NLGN1: variants seen among roughly 807,000 people sequenced by gnomAD.
NLGN1 encodes the protein neuroligin-1.
In NLGN1, 12 loss-of-function variants were observed where a neutral mutation model predicts 65.5. The observed-to-expected ratio is 0.18, with a 90% CI of 0.12 to 0.30. The LOEUF (loss-of-function observed/expected upper bound fraction) is 0.30, where lower values mean the gene tolerates loss of function less well. Ranked by LOEUF, NLGN1 falls within the 10% of genes least tolerant of loss-of-function variation. The probability of loss-of-function intolerance (pLI) is 1.00; values close to 1 mark genes in which losing one functional copy is unlikely to be tolerated. For synonymous variants in NLGN1, 350 were observed against 359.5 expected, an observed-to-expected ratio of 0.97 and a Z score of 0.30; for missense variants, 750 against 1,007.1, an observed-to-expected ratio of 0.74 and a Z score of 3.46.
At chr3:173,445,579 A>G (rs1043233951) in intron 2 of NLGN1, among the ~76,000 whole-genome samples, 17 of 152,176 alleles carry the variant, frequency 1.1e-4, no homozygotes, top group African/African-American at 4.1e-4. Context: ...AGTGAGCTCA[A>G]TTGGTACCGT....
intron 4 of NLGN1, among the ~76,000 whole-genome samples, chr3:173,839,943 T>C (rs1724466267): frequency 6.6e-6 from 1 of 152,202 alleles, no homozygotes; most frequent in African/African-American, 2.4e-5. Flanking sequence ...AATATGTAAG[T>C]AACTTGAAAT....
chr3:173,887,652 C>G (rs1254818388), intron 4 of NLGN1, among the ~76,000 whole-genome samples: 1 of 151,842 alleles, frequency 6.6e-6, no homozygotes, highest in Non-Finnish European at 1.5e-5. Context: ...TATTATGTTG[C>G]TATGTAGGAT....
At chr3:173,721,794 A>G (rs770689999) in intron 3 of NLGN1, among the ~76,000 whole-genome samples, 1 of 152,204 alleles carries the variant, frequency 6.6e-6, no homozygotes, top group Non-Finnish European at 1.5e-5. Flanking sequence ...CCACTAGCAC[A>G]TGACTTATTC....
At chr3:173,889,829 TACTTTAAGAAACACC>T (rs752535946) in intron 4 of NLGN1, among the ~76,000 whole-genome samples, 6 of 152,150 alleles carry the variant, frequency 3.9e-5, no homozygotes, top group South Asian at 2.1e-4. Context: ...CATACATTTA[TACTTTAAGAAACACC>T]ACTGTGAACT....
intron 4 of NLGN1, among the ~76,000 whole-genome samples, chr3:173,964,834 G>A (rs761283296): frequency 7.2e-5 from 11 of 152,012 alleles, no homozygotes; most frequent in Admixed American, 4.6e-4. Context: ...AAACAAGCAC[G>A]GAAAATAAAC....
At chr3:174,031,624 T>G (rs1730044672) in intron 4 of NLGN1, among the ~76,000 whole-genome samples, 2 of 152,150 alleles carry the variant, frequency 1.3e-5, no homozygotes, top group East Asian at 3.9e-4. Context: ...TTAAGACCTC[T>G]TAAAAATTTT....
chr3:173,726,941 A>G, intron 3 of NLGN1, among the ~76,000 whole-genome samples: 1 of 8,356 alleles, frequency 1.2e-4, no homozygotes, highest in Admixed American at 2.4e-3. Context: ...TTTCCTTACC[A>G]AAAAAAAAAA....
At chr3:173,490,422 C>G (rs575178054) in intron 2 of NLGN1, among the ~76,000 whole-genome samples, 1 of 152,218 alleles carries the variant, frequency 6.6e-6, no homozygotes, top group East Asian at 1.9e-4. Context: ...GGTATTATTT[C>G]TGAGAGCTCT....
chr3:174,155,682 A>G (rs1412974647), intron 4 of NLGN1, among the ~76,000 whole-genome samples: 1 of 151,920 alleles, frequency 6.6e-6, no homozygotes, highest in African/African-American at 2.4e-5. Flanking sequence ...CAGAAGTAGC[A>G]TATAGCATAA....
chr3:174,181,444 A>T (rs1435058846), intron 4 of NLGN1, among the ~76,000 whole-genome samples: 1 of 152,090 alleles, frequency 6.6e-6, no homozygotes, highest in East Asian at 1.9e-4. Flanking sequence ...CATCGCTGTT[A>T]CCTCTATCAC....
At chr3:173,838,970 A>C (rs908698068) in intron 4 of NLGN1, among the ~76,000 whole-genome samples, 1 of 152,156 alleles carries the variant, frequency 6.6e-6, no homozygotes, top group South Asian at 2.1e-4. Flanking sequence ...GGAATGTATA[A>C]ATTATTTTTT....
In NLGN1 at chr3:174,238,379, T is replaced by G. The variant is rs553279216; in HGVS notation, c.647-36936T>G. On this transcript the variant is annotated intron_variant, in intron 4 of 6. Transcript: ENST00000457714. ...GAAGTTCTTTTTTTTTTGTTGTTTG[T>G]TTGAGATGGAGTCTCCCTCTGTTGC... 2.0e-5 allele frequency among the ~76,000 whole-genome samples: 3 copies of G among 152,188 alleles called. No individual in the cohort carries two copies. In the East Asian group the frequency reaches 5.8e-4, roughly 29 times the overall value.
intron 4 of NLGN1, among the ~76,000 whole-genome samples, chr3:173,930,476 T>G (rs1218531828): frequency 6.6e-6 from 1 of 152,138 alleles, no homozygotes; most frequent in African/African-American, 2.4e-5. Flanking sequence ...AGGGACATAC[T>G]CATAAATATT....
chr3:173,556,833 A>G (rs990991107), intron 2 of NLGN1, among the ~76,000 whole-genome samples: 14 of 151,894 alleles, frequency 9.2e-5, no homozygotes, highest in Non-Finnish European at 1.6e-4. Flanking sequence ...GTTGATTTCT[A>G]AGTTAATGCT....
At chr3:174,074,570 C>T (rs1160430571) in intron 4 of NLGN1, among the ~76,000 whole-genome samples, 1 of 152,092 alleles carries the variant, frequency 6.6e-6, no homozygotes, top group Non-Finnish European at 1.5e-5. Context: ...CGATCAGACA[C>T]GGATGTTACT....
At chr3:173,928,973 C>G (rs1349860077) in intron 4 of NLGN1, among the ~76,000 whole-genome samples, 1 of 151,966 alleles carries the variant, frequency 6.6e-6, no homozygotes, top group Non-Finnish European at 1.5e-5. Context: ...CCTGGCCTGA[C>G]ATAGTTAATT....
intron 2 of NLGN1, among the ~76,000 whole-genome samples, chr3:173,580,341 A>T (rs1408359662): frequency 2.0e-5 from 3 of 152,102 alleles, no homozygotes. Context: ...ACACGGTTAA[A>T]TTGGAATGCC....
intron 4 of NLGN1, among the ~76,000 whole-genome samples, chr3:174,155,594 AT>A (rs1391374823): frequency 1.3e-5 from 2 of 151,912 alleles, no homozygotes; most frequent in African/African-American, 4.8e-5. Context: ...TAAGGTTGTA[AT>A]GGAGTTTTTT....
intron 4 of NLGN1, among the ~76,000 whole-genome samples, chr3:173,894,633 CTT>C (rs3979634): frequency 0.19 from 25,817 of 133,996 alleles, 2,623 homozygotes; most frequent in East Asian, 0.41. Flanking sequence ...TTTTCTTTTT[CTT>C]TTTTTTTTTT....
Sources: allele counts gnomAD v4.1 joint callset (sites outside exome capture counted in the v4.1 genomes callset), GRCh38; gene constraint gnomAD v4.1.1; transcripts MANE v1.5; gene names NCBI Gene and HGNC (gene_info 2026-07-23, HGNC 2026-07-21).